Variants in NAALADL2 observed in about 807,000 individuals in gnomAD.
NAALADL2 encodes the protein N-acetylated alpha-linked acidic dipeptidase like 2.
NAALADL2 carries 76 observed loss-of-function variants against 87.2 expected under a neutral mutation model. That is an observed-to-expected ratio of 0.87 (90% CI 0.72 to 1.05). NAALADL2 has a LOEUF of 1.05. Among genes scored for constraint, NAALADL2 ranks in the 50% least tolerant of loss-of-function variants. The pLI, the probability that NAALADL2 is intolerant of heterozygous loss-of-function variation, is 0.00. For missense variants in NAALADL2, 1,089 were observed against 945.8 expected (o/e 1.15, Z -1.99); for synonymous variants, 354 against 331.0 (o/e 1.07, Z -0.75).
intron 5 of NAALADL2, among the ~76,000 whole-genome samples, chr3:175,403,148 G>C (rs1193062140): frequency 6.6e-6 from 1 of 152,116 alleles, no homozygotes; most frequent in East Asian, 1.9e-4. Flanking sequence ...TTCCCTCAGA[G>C]GGCTTCCTGT....
At chr3:175,553,083 T>C (rs1312818039) in intron 9 of NAALADL2, among the ~76,000 whole-genome samples, 1 of 152,186 alleles carries the variant, frequency 6.6e-6, no homozygotes, top group African/African-American at 2.4e-5. Flanking sequence ...GCTTGTTAAA[T>C]ATCCATGTTT....
intron 2 of NAALADL2, among the ~76,000 whole-genome samples, chr3:174,569,513 T>A (rs184541668): frequency 6.6e-6 from 1 of 152,238 alleles, no homozygotes; most frequent in East Asian, 1.9e-4. Context: ...CATTTTAGGA[T>A]CTCTTTCTAT....
At chr3:175,400,851 CT>C (rs578069802) in intron 5 of NAALADL2, among the ~76,000 whole-genome samples, 94 of 152,112 alleles carry the variant, frequency 6.2e-4, no homozygotes, top group Non-Finnish European at 1.0e-3. Flanking sequence ...CCCAACAGAA[CT>C]CTCCAAGCAG....
intron 13 of NAALADL2, among the ~76,000 whole-genome samples, chr3:175,763,947 C>A (rs1232650637): frequency 6.6e-6 from 1 of 151,998 alleles, no homozygotes; most frequent in African/African-American, 2.4e-5. Context: ...GAGATTCACT[C>A]TTTCATTTGG....
intron 1 of NAALADL2, among the ~76,000 whole-genome samples, chr3:174,992,601 C>A (rs78170146): frequency 6.6e-6 from 1 of 151,998 alleles, no homozygotes; most frequent in African/African-American, 2.4e-5. Flanking sequence ...TAATTTCTTT[C>A]AGATTATTCC....
intron 1 of NAALADL2, among the ~76,000 whole-genome samples, chr3:174,955,841 G>A (rs905863574): frequency 6.6e-6 from 1 of 151,984 alleles, no homozygotes; most frequent in African/African-American, 2.4e-5. Flanking sequence ...GCTGGGGTGG[G>A]GCCCCTGAAT....
chr3:174,763,153 T>A (rs1055127267), intron 3 of NAALADL2, among the ~76,000 whole-genome samples: 5 of 150,824 alleles, frequency 3.3e-5, no homozygotes, highest in Non-Finnish European at 7.4e-5. Context: ...AAAAAAAAAG[T>A]TCTGTATTAA....
chr3:175,073,088 T>A (rs778707719), intron 1 of NAALADL2, among the ~76,000 whole-genome samples: 2 of 152,052 alleles, frequency 1.3e-5, no homozygotes, highest in Non-Finnish European at 2.9e-5. Flanking sequence ...TTGCCACAAA[T>A]CTGTTGGCAC....
intron 13 of NAALADL2, among the ~76,000 whole-genome samples, chr3:175,756,903 A>G (rs1747331238): frequency 6.6e-6 from 1 of 151,650 alleles, no homozygotes; most frequent in Non-Finnish European, 1.5e-5. Flanking sequence ...TCTGTTTAAT[A>G]TATACATATA....
At chr3:175,487,164 C>T (rs745425772) in intron 9 of NAALADL2, among the ~76,000 whole-genome samples, 3 of 152,172 alleles carry the variant, frequency 2.0e-5, no homozygotes, top group Non-Finnish European at 4.4e-5. Flanking sequence ...CTCCCCTTTG[C>T]TCACTCTGTT....
chr3:174,924,635 A>G (rs9853251), intron 1 of NAALADL2, among the ~76,000 whole-genome samples: 89,248 of 151,572 alleles, frequency 0.59, 28,988 homozygotes, highest in East Asian at 0.91. Flanking sequence ...AGGAATCGCC[A>G]CACTGTCTTC....
intron 11 of NAALADL2, chr3:175,718,323 C>T: frequency 6.3e-7 from 1 of 1,578,652 alleles, no homozygotes; most frequent in African/African-American, 1.4e-5. Flanking sequence ...AACTTTGATG[C>T]TATATGAATT....
At chr3:174,722,950 T>G (rs1014607666) in intron 2 of NAALADL2, among the ~76,000 whole-genome samples, 1 of 152,190 alleles carries the variant, frequency 6.6e-6, no homozygotes, top group Non-Finnish European at 1.5e-5. Context: ...AGATACCATC[T>G]TTTTTACATT....
At position 175,466,800 on chromosome 3, in the gene NAALADL2, T is replaced by A. The variant is rs1037754563; in HGVS notation, c.1328-179T>A. ...AATTGGGTTCAGCAGCTGCCTCTGC[T>A]TTGATATACACAGATGTGTGAATTA... On this transcript the variant is annotated intron_variant, in intron 7 of 13. Coordinates refer to ENST00000454872, the MANE Select transcript of NAALADL2 (RefSeq NM_207015.3). Among the ~76,000 whole-genome samples, 42 of 152,276 alleles carry A rather than the reference T, an allele frequency of 2.8e-4. 4 individuals carry two copies. The highest frequency in any genetic ancestry group is 1.3e-3 in the Admixed American group (20 of 15,304).
chr3:175,715,036 T>C (rs956536033), intron 11 of NAALADL2, among the ~76,000 whole-genome samples: 3 of 152,200 alleles, frequency 2.0e-5, no homozygotes, highest in African/African-American at 7.2e-5. Context: ...TAAGTACTAA[T>C]GTTTGAGAAA....
At chr3:175,665,265 G>T (rs1732802614) in intron 11 of NAALADL2, among the ~76,000 whole-genome samples, 1 of 152,138 alleles carries the variant, frequency 6.6e-6, no homozygotes, top group Admixed American at 6.5e-5. Context: ...ACAATTATTT[G>T]TCAACATCTA....
At chr3:175,075,994 G>A (rs1462112873) in intron 1 of NAALADL2, among the ~76,000 whole-genome samples, 1 of 152,058 alleles carries the variant, frequency 6.6e-6, no homozygotes, top group African/African-American at 2.4e-5. Context: ...TTAGGAGGCC[G>A]AGGTAGGGGG....
At position 175,078,612 on chromosome 3, in the gene NAALADL2, G is replaced by A. The variant is rs1717110260; in HGVS notation, c.44-18178G>A. The stretch of plus-strand genomic sequence containing the variant: ...CAATTTCTCCAGTTTTCCTGCCCCA[G>A]CCCCATGCAACCAGTAATCTTTCTG... On this transcript the variant is annotated intron_variant, in intron 1 of 13. Coordinates refer to ENST00000454872, the MANE Select transcript of NAALADL2 (RefSeq NM_207015.3). Among the ~76,000 whole-genome samples the A allele has an allele frequency of 5.9e-5, 9 of 152,150 alleles. No homozygotes were observed. In the South Asian group the frequency reaches 1.9e-3, roughly 32 times the overall value.
intron 10 of NAALADL2, among the ~76,000 whole-genome samples, chr3:175,616,161 T>G (rs1725323845): frequency 6.8e-6 from 1 of 147,902 alleles, no homozygotes. Context: ...ATATGTTTTA[T>G]ATAATATAAA....
Sources: allele counts gnomAD v4.1 joint callset (sites outside exome capture counted in the v4.1 genomes callset), GRCh38; gene constraint gnomAD v4.1.1; transcripts MANE v1.5; gene names NCBI Gene and HGNC (gene_info 2026-07-23, HGNC 2026-07-21).